USH2A: variants seen among roughly 807,000 people sequenced by gnomAD.
USH2A encodes usherin, also known as Usher syndrome 2A (autosomal recessive, mild).
In USH2A, 443 loss-of-function variants were observed where a neutral mutation model predicts 538.9. The observed-to-expected ratio is 0.82, with a 90% CI of 0.76 to 0.89. USH2A has a LOEUF of 0.89. Ranked by LOEUF, USH2A falls within the 40% of genes least tolerant of loss-of-function variation. USH2A has a pLI of 0.00. For synonymous variants in USH2A, 2,413 were observed against 2,273.5 expected (o/e 1.06, Z -1.75); for missense variants, 6,633 against 6,324.8 (o/e 1.05, Z -1.65).
chr1:215,702,173 T>C (rs1659045642), intron 61 of USH2A, among the ~76,000 whole-genome samples: 1 of 152,250 alleles, frequency 6.6e-6, no homozygotes. Flanking sequence ...TTGTAGGTTT[T>C]CTGCAGACAG....
intron 32 of USH2A, among the ~76,000 whole-genome samples, chr1:216,038,247 G>A (rs2030086739): frequency 6.6e-6 from 1 of 151,932 alleles, no homozygotes; most frequent in Non-Finnish European, 1.5e-5. Context: ...AAACATCAAT[G>A]ATTTCACTAT....
At chr1:215,771,682 A>G (rs1661293885) in intron 55 of USH2A, among the ~76,000 whole-genome samples, 1 of 144,658 alleles carries the variant, frequency 6.9e-6, no homozygotes, top group African/African-American at 2.5e-5. Flanking sequence ...TGAGTCATGT[A>G]GTGAGATACT....
At chr1:216,338,051 G>A (rs1236921287) in intron 4 of USH2A, among the ~76,000 whole-genome samples, 1 of 151,128 alleles carries the variant, frequency 6.6e-6, no homozygotes, top group Non-Finnish European at 1.5e-5. Context: ...CTATGATCAT[G>A]GATGAAAAAA....
At chr1:216,149,552 C>T (rs2033791548) in intron 21 of USH2A, among the ~76,000 whole-genome samples, 1 of 152,212 alleles carries the variant, frequency 6.6e-6, no homozygotes. Context: ...GAGTCAGAGC[C>T]TGTCCCCGAG....
intron 38 of USH2A, among the ~76,000 whole-genome samples, chr1:215,926,980 T>C (rs1277672920): frequency 2.0e-5 from 3 of 152,112 alleles, no homozygotes; most frequent in East Asian, 1.9e-4. Flanking sequence ...CAGAGATGGA[T>C]AGTTGACTAC....
At chr1:216,146,661 C>G (rs900461904) in intron 21 of USH2A, among the ~76,000 whole-genome samples, 2 of 151,718 alleles carry the variant, frequency 1.3e-5, no homozygotes, top group African/African-American at 4.8e-5. Context: ...CTTATTTCCG[C>G]ACCCTGACCT....
intron 60 of USH2A, among the ~76,000 whole-genome samples, chr1:215,733,232 T>C (rs1558074364): frequency 6.6e-6 from 1 of 151,674 alleles, no homozygotes; most frequent in Non-Finnish European, 1.5e-5. Flanking sequence ...CCTAGACATT[T>C]AAACAACCAG....
chr1:215,970,919 T>C, intron 35 of USH2A, 143 bp from the exon 36 acceptor site: 2 of 844,928 alleles, frequency 2.4e-6, no homozygotes, highest in Admixed American at 1.9e-5. Flanking sequence ...GTCTAAACTC[T>C]GTCTCTTACC....
At chr1:215,689,297 C>T (rs903385084) in intron 61 of USH2A, among the ~76,000 whole-genome samples, 1 of 152,208 alleles carries the variant, frequency 6.6e-6, no homozygotes, top group Admixed American at 6.5e-5. Flanking sequence ...ATCCAATTGT[C>T]TTGTTAACCT....
chr1:216,082,056 A>G (rs566875664), intron 26 of USH2A, among the ~76,000 whole-genome samples: 1 of 152,212 alleles, frequency 6.6e-6, no homozygotes, highest in South Asian at 2.1e-4. Flanking sequence ...CAAGAGGAGG[A>G]GCCAAATGGT....
chr1:215,969,400 T>C (rs1053016643), intron 36 of USH2A, among the ~76,000 whole-genome samples: 20 of 152,208 alleles, frequency 1.3e-4, no homozygotes, highest in African/African-American at 4.8e-4. Flanking sequence ...GGATGCAGGT[T>C]GATAATGCAG....
intron 9 of USH2A, among the ~76,000 whole-genome samples, chr1:216,305,745 A>G (rs889965152): frequency 6.6e-6 from 1 of 152,110 alleles, no homozygotes; most frequent in Non-Finnish European, 1.5e-5. Flanking sequence ...TCGGAAAAAG[A>G]CTGTATTTTT....
At chr1:215,879,835 C>T (rs1427676435) in intron 41 of USH2A, among the ~76,000 whole-genome samples, 1 of 152,194 alleles carries the variant, frequency 6.6e-6, no homozygotes, top group African/African-American at 2.4e-5. Context: ...ATAGTGGTAA[C>T]ACACTCATGT....
intron 11 of USH2A, among the ~76,000 whole-genome samples, chr1:216,267,955 A>T (rs2036507440): frequency 1.3e-5 from 2 of 152,168 alleles, no homozygotes; most frequent in Admixed American, 1.3e-4. Flanking sequence ...CAATAATAAT[A>T]TCCACAACCC....
intron 54 of USH2A, among the ~76,000 whole-genome samples, chr1:215,781,633 C>CT (rs1558095130): frequency 1.3e-5 from 2 of 152,084 alleles, no homozygotes; most frequent in East Asian, 1.9e-4. Flanking sequence ...CCGTGCCAGG[C>CT]TTTTTTGCCC....
In USH2A at chr1:215,650,756, A is replaced by G. The variant is rs767805566; in HGVS notation, c.14179T>C (p.Trp4727Arg). 2.5e-6 allele frequency: 4 copies of G among 1,613,260 alleles called. No homozygotes were observed. Among genetic ancestry groups the G allele is most frequent in the Non-Finnish European group, 3.4e-6 (4 of 1,179,834 alleles). Reference sequence around the variant, plus strand: ...GGTGGGGCTGGCCCGGTTCTGCACCATGTCCAGCTACTGGGGGCTTTTCCT... The same window carrying G: ...GGTGGGGCTGGCCCGGTTCTGCACCGTGTCCAGCTACTGGGGGCTTTTCCT... ...SAGKAPSSWT[W>R]CRTGPAPPEG... Residue 4727 changes from tryptophan (W) to arginine (R), a missense_variant, in exon 65 of 72, where the codon TGG becomes CGG. Trp to Arg is a moderately radical substitution (Grantham distance 101). Transcript: ENST00000307340.
intron 32 of USH2A, among the ~76,000 whole-genome samples, chr1:216,023,696 C>T (rs765826850): frequency 7.9e-5 from 12 of 151,864 alleles, no homozygotes; most frequent in Admixed American, 6.6e-5. Flanking sequence ...CGAAAGTATG[C>T]GTTAACATTA....
intron 37 of USH2A, among the ~76,000 whole-genome samples, chr1:215,943,167 G>T (rs950221396): frequency 6.6e-6 from 1 of 151,546 alleles, no homozygotes; most frequent in African/African-American, 2.4e-5. Flanking sequence ...TGAAGTTGAA[G>T]AAAAAAATAA....
intron 38 of USH2A, among the ~76,000 whole-genome samples, chr1:215,917,170 C>G (rs1161781165): frequency 6.6e-6 from 1 of 152,028 alleles, no homozygotes; most frequent in East Asian, 1.9e-4. Flanking sequence ...AACCACCAAC[C>G]AAATTTTTTT....
Sources: gnomAD v4.1 joint callset for allele counts (sites outside exome capture counted in the v4.1 genomes callset) on GRCh38, gnomAD v4.1.1 for gene constraint, MANE v1.5 for transcripts, NCBI Gene and HGNC (gene_info 2026-07-23, HGNC 2026-07-21) for gene names.